The following CDH18 variants were observed in gnomAD, a reference collection of about 807,000 sequenced individuals.
The protein encoded by CDH18 is cadherin-18.
A neutral mutation model predicts 67.9 loss-of-function variants in CDH18; 31 were observed. The observed-to-expected ratio is 0.46, with a 90% CI of 0.34 to 0.62. The LOEUF (loss-of-function observed/expected upper bound fraction) is 0.62. CDH18 is among the 20% of genes least tolerant of loss of function. The pLI is 0.01. For missense variants in CDH18, 890 were observed against 975.5 expected, an observed-to-expected ratio of 0.91 and a Z score of 1.17; for synonymous variants, 362 against 347.2, an observed-to-expected ratio of 1.04 and a Z score of -0.48.
intron 2 of CDH18, among the ~76,000 whole-genome samples, chr5:20,095,153 C>T (rs192750003): frequency 1.6e-4 from 24 of 151,362 alleles, no homozygotes; most frequent in South Asian, 1.3e-3. Context: ...CAGGCCCTGT[C>T]GGGGGATGAG....
chr5:19,631,957 G>C (rs1317179037), intron 5 of CDH18, among the ~76,000 whole-genome samples: 1 of 152,042 alleles, frequency 6.6e-6, no homozygotes, highest in African/African-American at 2.4e-5. Flanking sequence ...GTTTAGAGTA[G>C]TAGAGCCAAT....
chr5:19,761,102 C>A (rs540092323), intron 3 of CDH18, among the ~76,000 whole-genome samples: 1 of 152,140 alleles, frequency 6.6e-6, no homozygotes, highest in African/African-American at 2.4e-5. Flanking sequence ...ACAGTAGATA[C>A]CTGGCGAGGT....
intron 5 of CDH18, among the ~76,000 whole-genome samples, chr5:19,616,717 C>T (rs1245547812): frequency 6.6e-6 from 1 of 152,164 alleles, no homozygotes; most frequent in Non-Finnish European, 1.5e-5. Context: ...TCTCTTCAGG[C>T]TGCCAGAACA....
chr5:20,455,645 A>G (rs1408025512), intron 1 of CDH18, among the ~76,000 whole-genome samples: 4 of 152,102 alleles, frequency 2.6e-5, no homozygotes, highest in Non-Finnish European at 5.9e-5. Flanking sequence ...TCAAATAAAT[A>G]TATTTTTAAA....
intron 2 of CDH18, among the ~76,000 whole-genome samples, chr5:19,915,665 A>T (rs1222414628): frequency 6.6e-6 from 1 of 152,144 alleles, no homozygotes; most frequent in Non-Finnish European, 1.5e-5. Flanking sequence ...TATTATACTG[A>T]ATTTATAACA....
intron 2 of CDH18, among the ~76,000 whole-genome samples, chr5:19,955,478 C>A (rs1313991566): frequency 6.6e-6 from 1 of 151,936 alleles, no homozygotes; most frequent in African/African-American, 2.4e-5. Context: ...ATTCCCTTCC[C>A]TGTATGAATT....
intron 9 of CDH18, among the ~76,000 whole-genome samples, chr5:19,523,897 T>C (rs1747326209): frequency 6.6e-6 from 1 of 152,120 alleles, no homozygotes; most frequent in Non-Finnish European, 1.5e-5. Context: ...TTGATGCATT[T>C]ATATCATACA....
chr5:20,001,367 G>C (rs1736425643), intron 2 of CDH18, among the ~76,000 whole-genome samples: 1 of 152,088 alleles, frequency 6.6e-6, no homozygotes, highest in South Asian at 2.1e-4. Flanking sequence ...GAGGGCATAA[G>C]AGGAAGAGTA....
chr5:19,766,200 G>A (rs772350470), intron 3 of CDH18, among the ~76,000 whole-genome samples: 5 of 152,098 alleles, frequency 3.3e-5, no homozygotes, highest in Non-Finnish European at 7.4e-5. Context: ...CAATCGTAAA[G>A]TCCAAAGTAT....
chr5:19,650,632 G>A (rs1755438863), intron 5 of CDH18, among the ~76,000 whole-genome samples: 1 of 152,018 alleles, frequency 6.6e-6, no homozygotes, highest in African/African-American at 2.4e-5. Flanking sequence ...TCCCTGTACA[G>A]GTGTATTTTG....
chr5:20,026,133 T>A (rs1329781297), intron 2 of CDH18, among the ~76,000 whole-genome samples: 4 of 152,208 alleles, frequency 2.6e-5, no homozygotes, highest in Admixed American at 6.5e-5. Context: ...GTTAGTAGCA[T>A]GACCTGGGAT....
At chr5:20,027,015 A>T (rs1035245873) in intron 2 of CDH18, among the ~76,000 whole-genome samples, 5 of 152,084 alleles carry the variant, frequency 3.3e-5, no homozygotes, top group African/African-American at 1.2e-4. Flanking sequence ...TAAACATAAA[A>T]AAATAAATAA....
At chr5:20,056,877 G>A (rs1009963476) in intron 2 of CDH18, among the ~76,000 whole-genome samples, 10 of 150,758 alleles carry the variant, frequency 6.6e-5, no homozygotes, top group Non-Finnish European at 1.3e-4. Flanking sequence ...AGTGGAGACG[G>A]GTTTTCACTG....
At chr5:19,698,302 G>A (rs926885687) in intron 5 of CDH18, among the ~76,000 whole-genome samples, 2 of 152,010 alleles carry the variant, frequency 1.3e-5, no homozygotes, top group Non-Finnish European at 2.9e-5. Context: ...TTATGAGCTT[G>A]CACATTGAGA....
intron 5 of CDH18, among the ~76,000 whole-genome samples, chr5:19,678,566 G>A (rs1211369785): frequency 1.3e-5 from 2 of 151,704 alleles, no homozygotes; most frequent in Non-Finnish European, 2.9e-5. Flanking sequence ...GTCACACTTA[G>A]AGAAACCAGA....
At chr5:19,975,458 C>A (rs12519750) in intron 2 of CDH18, among the ~76,000 whole-genome samples, 67,053 of 151,748 alleles carry the variant, frequency 0.44, 16,606 homozygotes, top group Middle Eastern at 0.66. Flanking sequence ...TGTGTACTAC[C>A]AAAATATCTG....
intron 1 of CDH18, among the ~76,000 whole-genome samples, chr5:20,520,146 T>G (rs1755655716): frequency 6.6e-6 from 1 of 151,618 alleles, no homozygotes; most frequent in African/African-American, 2.4e-5. Context: ...TTAGGGTGTC[T>G]AAGAGCTCCC....
intron 1 of CDH18, among the ~76,000 whole-genome samples, chr5:19,982,147 T>C (rs1799115223): frequency 1.3e-5 from 2 of 152,170 alleles, no homozygotes; most frequent in Admixed American, 6.5e-5. Flanking sequence ...TACTGATTGG[T>C]CTTTGGGAAC....
intron 8 of CDH18, among the ~76,000 whole-genome samples, chr5:19,547,995 C>T (rs763690848): frequency 6.6e-6 from 1 of 152,000 alleles, no homozygotes; most frequent in Admixed American, 6.6e-5. Flanking sequence ...TCATTCAATG[C>T]TAATTATTTA....
Sources: gnomAD v4.1 joint callset for allele counts (sites outside exome capture counted in the v4.1 genomes callset) on GRCh38, gnomAD v4.1.1 for gene constraint, MANE v1.5 for transcripts, NCBI Gene and HGNC (gene_info 2026-07-23, HGNC 2026-07-21) for gene names.